Variants in RALGPS1 observed in about 807,000 individuals in gnomAD.
RALGPS1 encodes ras-specific guanine nucleotide-releasing factor RalGPS1.
Under a neutral mutation model 78.8 loss-of-function variants are expected in RALGPS1, and 19 were observed. The observed-to-expected ratio is 0.24, with a 90% CI of 0.17 to 0.35. The LOEUF is 0.35. Among genes scored for constraint, RALGPS1 ranks in the 10% least tolerant of loss-of-function variants. The pLI, the probability that RALGPS1 is intolerant of heterozygous loss-of-function variation, is 1.00. For missense variants in RALGPS1, 454 were observed against 688.3 expected (o/e 0.66, Z 3.81); for synonymous variants, 228 against 256.3 (o/e 0.89, Z 1.06).
intron 1 of RALGPS1, among the ~76,000 whole-genome samples, chr9:126,918,433 C>G (rs2034402285): frequency 6.6e-6 from 1 of 152,100 alleles, no homozygotes; most frequent in African/African-American, 2.4e-5. Flanking sequence ...ACCTCCCAGG[C>G]TCAAATGATC....
chr9:127,219,138 C>T lies in RALGPS1; in HGVS notation c.*369C>T, dbSNP rs966815609. ...CGCTAACTAACCTGTGAGAGGGGCCCGAGAGAAGGAACAGCTGTGGAACAG... is the reference window on the plus strand; with the variant it reads ...CGCTAACTAACCTGTGAGAGGGGCCTGAGAGAAGGAACAGCTGTGGAACAG... On this transcript the variant is annotated 3_prime_UTR_variant, in exon 19 of 19. Transcript: ENST00000259351. This position sits in a 1 kb window ranked among gnomAD's most constrained non-coding sequence, Gnocchi z 5.0. 5 of 289,564 alleles carry T rather than the reference C, an allele frequency of 1.7e-5. No individual in the cohort carries two copies. Among genetic ancestry groups the T allele is most frequent in the African/African-American group, 8.6e-5 (4 of 46,274 alleles). The allele number at this position is 289,564 out of a possible 1,614,324, so 17.9% of individuals were successfully genotyped here.
intron 8 of RALGPS1, among the ~76,000 whole-genome samples, chr9:127,125,544 G>A (rs554759357): frequency 1.6e-4 from 24 of 152,302 alleles, no homozygotes; most frequent in Non-Finnish European, 1.9e-4. Context: ...GAAGCATTCG[G>A]CCCTGCGCCC....
At chr9:127,069,973 G>A (rs796373506) in intron 8 of RALGPS1, 1 of 152,056 alleles carries the variant, frequency 6.6e-6, no homozygotes, top group Non-Finnish European at 1.5e-5. Context: ...CCATCAGATG[G>A]ATTTGTCAAA....
chr9:126,920,895 C>G (rs902476722), intron 1 of RALGPS1, among the ~76,000 whole-genome samples: 1 of 152,132 alleles, frequency 6.6e-6, no homozygotes, highest in African/African-American at 2.4e-5. Flanking sequence ...CCAGGCAGAC[C>G]CGGGTTCAAA....
chr9:127,004,728 A>G (rs186585668), intron 4 of RALGPS1, among the ~76,000 whole-genome samples: 49 of 152,334 alleles, frequency 3.2e-4, no homozygotes, highest in African/African-American at 1.0e-3. Flanking sequence ...TGAAGCTTAC[A>G]TAATCTTTAG....
intron 5 of RALGPS1, among the ~76,000 whole-genome samples, chr9:127,037,055 G>T (rs1405000208): frequency 1.3e-5 from 2 of 152,160 alleles, no homozygotes; most frequent in Admixed American, 1.3e-4. Context: ...TCTCAGCCTG[G>T]TAGTCCTCAT....
chr9:126,995,097 C>G (rs1370346374), intron 4 of RALGPS1, among the ~76,000 whole-genome samples: 2 of 152,176 alleles, frequency 1.3e-5, no homozygotes, highest in Admixed American at 1.3e-4. Context: ...TAAAGACCAT[C>G]AAGGCTAGGA....
At chr9:127,206,754 A>G (rs963557910) in intron 14 of RALGPS1, among the ~76,000 whole-genome samples, 5 of 152,176 alleles carry the variant, frequency 3.3e-5, no homozygotes, top group Admixed American at 1.3e-4. Flanking sequence ...ACAGGGACTT[A>G]GGGCTTTATG....
intron 7 of RALGPS1, among the ~76,000 whole-genome samples, chr9:127,055,012 A>AGAG (rs914251824): frequency 5.3e-5 from 3 of 56,950 alleles, no homozygotes; most frequent in Non-Finnish European, 1.1e-4. Flanking sequence ...AGAGAGAGAG[A>AGAG]GAGAGAGAGA....
chr9:126,999,456 T>C (rs529150113), intron 4 of RALGPS1, among the ~76,000 whole-genome samples: 2 of 152,352 alleles, frequency 1.3e-5, no homozygotes, highest in African/African-American at 4.8e-5. Context: ...TTTACTATTC[T>C]AAAATCCTCT....
At chr9:127,017,268 C>T (rs1279634600) in intron 4 of RALGPS1, among the ~76,000 whole-genome samples, 1 of 152,208 alleles carries the variant, frequency 6.6e-6, no homozygotes, top group East Asian at 1.9e-4. Context: ...GGCATAGCCT[C>T]TTGCTCCTGG....
At chr9:127,069,108 C>A (rs2049960832) in intron 7 of RALGPS1, 122 bp from the exon 8 acceptor site, 2 of 975,550 alleles carry the variant, frequency 2.1e-6, no homozygotes, top group African/African-American at 1.7e-5. Context: ...TTAGTTCTGT[C>A]CAGGATTCGG....
chr9:127,178,539 A>G (rs2060018960), intron 11 of RALGPS1: 2 of 972,498 alleles, frequency 2.1e-6, no homozygotes, highest in African/African-American at 1.8e-5. Flanking sequence ...TGCCTCCATC[A>G]TTGCCTCAGC....
At chr9:127,088,961 G>C (rs774148995) in intron 8 of RALGPS1, 2 of 1,614,182 alleles carry the variant, frequency 1.2e-6, no homozygotes, top group South Asian at 1.1e-5. Context: ...GTTGGGGTTC[G>C]GTCGGATCAT....
intron 14 of RALGPS1, chr9:127,210,512 C>T (rs892250644): frequency 1.7e-6 from 1 of 595,504 alleles, no homozygotes; most frequent in Non-Finnish European, 3.0e-6. Context: ...TGTTTACTGG[C>T]CTGGCAGCTC....
At chr9:127,177,877 T>C (rs779333812) in intron 11 of RALGPS1, 22 of 1,549,002 alleles carry the variant, frequency 1.4e-5, no homozygotes, top group Non-Finnish European at 1.9e-5. Flanking sequence ...ACACCTCTAC[T>C]TGGCTCTGTT....
chr9:127,005,851 C>T (rs1182449356), intron 4 of RALGPS1, among the ~76,000 whole-genome samples: 1 of 152,208 alleles, frequency 6.6e-6, no homozygotes, highest in Admixed American at 6.5e-5. Flanking sequence ...GCCACTCTGC[C>T]TTCTACAAGA....
At chr9:127,196,749 G>GT in intron 13 of RALGPS1, 118 bp downstream of exon 13, 1 of 1,265,380 alleles carries the variant, frequency 7.9e-7, no homozygotes, top group Non-Finnish European at 1.1e-6. Context: ...TGGGGACCCA[G>GT]TGGCCCCTCA....
intron 1 of RALGPS1, among the ~76,000 whole-genome samples, chr9:126,941,283 T>C (rs955065692): frequency 6.6e-6 from 1 of 152,132 alleles, no homozygotes; most frequent in Non-Finnish European, 1.5e-5. Flanking sequence ...AATAATTTAA[T>C]TGTACATTTA....
Sources: allele counts gnomAD v4.1 joint callset (sites outside exome capture counted in the v4.1 genomes callset), GRCh38; gene constraint gnomAD v4.1.1; non-coding constraint Gnocchi (gnomAD v3.1); transcripts MANE v1.5; gene names NCBI Gene and HGNC (gene_info 2026-07-23, HGNC 2026-07-21).